The following ATP10B variants were observed in gnomAD, a reference collection of about 807,000 sequenced individuals.
ATP10B encodes phospholipid-transporting ATPase VB.
A neutral mutation model predicts 141.2 loss-of-function variants in ATP10B; 122 were observed. The observed-to-expected ratio is 0.86, with a 90% confidence interval of 0.75 to 1.00. The LOEUF (loss-of-function observed/expected upper bound fraction) is 1.00. Among genes scored for constraint, ATP10B ranks in the 50% least tolerant of loss-of-function variants. ATP10B has a pLI of 0.00. For missense variants in ATP10B, 1,876 were observed against 1,825.3 expected, an observed-to-expected ratio of 1.03 and a Z score of -0.51; for synonymous variants, 685 against 692.0, an observed-to-expected ratio of 0.99 and a Z score of 0.16.
chr5:160,732,659 G>A (rs1023061139), intron 2 of ATP10B, among the ~76,000 whole-genome samples: 1 of 152,048 alleles, frequency 6.6e-6, no homozygotes, highest in African/African-American at 2.4e-5. Context: ...TGGTCTATGT[G>A]GCTGTTTTTA....
At chr5:160,894,509 G>T in the ATP10B span, among the ~76,000 whole-genome samples, 1 of 151,970 alleles carries the variant, frequency 6.6e-6, no homozygotes, top group Admixed American at 6.6e-5. Context: ...AGAGAAAAAA[G>T]AATGAGAAGG....
chr5:160,586,722 T>A (rs1350015672), intron 24 of ATP10B, among the ~76,000 whole-genome samples: 1 of 152,228 alleles, frequency 6.6e-6, no homozygotes, highest in African/African-American at 2.4e-5. Flanking sequence ...TCTCTAATGA[T>A]CAGTGATGTT....
chr5:160,805,413 T>A (rs1772703553), intron 1 of ATP10B, among the ~76,000 whole-genome samples: 1 of 152,216 alleles, frequency 6.6e-6, no homozygotes, highest in African/African-American at 2.4e-5. Context: ...ATTAAGTGTG[T>A]CTTAAAGAAG....
intron 13 of ATP10B, among the ~76,000 whole-genome samples, chr5:160,627,116 C>T (rs770680591): frequency 1.6e-4 from 24 of 152,314 alleles, no homozygotes; most frequent in Non-Finnish European, 2.9e-4. Flanking sequence ...ACTCCTCATC[C>T]ACTCCTCACT....
chr5:160,828,510 C>T (rs1326939719), intron 1 of ATP10B, among the ~76,000 whole-genome samples: 1 of 151,960 alleles, frequency 6.6e-6, no homozygotes, highest in Non-Finnish European at 1.5e-5. Context: ...CAATGAGATA[C>T]CATCTCACAC....
intron 1 of ATP10B, among the ~76,000 whole-genome samples, chr5:160,823,519 G>A (rs1774336451): frequency 6.6e-6 from 1 of 152,160 alleles, no homozygotes; most frequent in Admixed American, 6.5e-5. Context: ...ACTTGCACGT[G>A]CTTAAATTTT....
At chr5:160,694,191 A>G (rs1389222951) in intron 3 of ATP10B, among the ~76,000 whole-genome samples, 1 of 152,194 alleles carries the variant, frequency 6.6e-6, no homozygotes, top group East Asian at 1.9e-4. Flanking sequence ...CCTCCAAATA[A>G]AATACTTCTT....
chr5:160,813,608 C>A lies in ATP10B; in HGVS notation c.-575-27805G>T, dbSNP rs182523478. ...CAGAATCCTCTGCAGACTTAAATGT[C>A]CCTGTCTGACAGCTTCGAAGAGAGT... On this transcript the variant is annotated intron_variant, in intron 1 of 25. Transcript: ENST00000327245. 1.5e-4 allele frequency among the ~76,000 whole-genome samples: 23 copies of A among 152,346 alleles called. No individual in the cohort carries two copies. The East Asian group carries it at 4.4e-3, about 29-fold the overall frequency.
chr5:160,632,143 A>G lies in ATP10B; in HGVS notation c.1606T>C (p.Phe536Leu). ...HRESSQPPVA[F>L]SSSIEKDVTP... ...TCAGGACTTACTATGGAGCTGCTGA[A>G]GGCCACAGGAGGCTGTGAGCTTTCA... The change falls in exon 13 of 26, where the codon TTC becomes CTC. Residue 536 changes from phenylalanine (F) to leucine (L), a missense_variant. Transcript: ENST00000327245. 1.2e-6 allele frequency: 2 copies of G among 1,612,654 alleles called. No homozygotes were observed. The highest frequency in any genetic ancestry group is 1.7e-6 in the Non-Finnish European group (2 of 1,178,778).
At chr5:160,804,092 G>T (rs1242270984) in intron 1 of ATP10B, among the ~76,000 whole-genome samples, 1 of 152,086 alleles carries the variant, frequency 6.6e-6, no homozygotes, top group African/African-American at 2.4e-5. Flanking sequence ...TAAGTCAAAT[G>T]TCCTACCCTT....
intron 1 of ATP10B, among the ~76,000 whole-genome samples, chr5:160,828,102 A>T (rs1406929546): frequency 6.6e-6 from 1 of 152,202 alleles, no homozygotes; most frequent in Non-Finnish European, 1.5e-5. Flanking sequence ...AAAACCATAA[A>T]AACCCTAGAA....
chr5:160,604,519 G>T (rs951638694), intron 19 of ATP10B, among the ~76,000 whole-genome samples: 25 of 152,172 alleles, frequency 1.6e-4, no homozygotes, highest in African/African-American at 6.0e-4. Context: ...ACCATATCAA[G>T]ACAACTGGAC....
intron 2 of ATP10B, 59 bp downstream of exon 2, chr5:160,785,500 G>A: frequency 2.2e-6 from 1 of 451,270 alleles, no homozygotes; most frequent in Non-Finnish European, 4.4e-6. Flanking sequence ...TGGGTATACT[G>A]AGTGATGCTG....
intron 2 of ATP10B, among the ~76,000 whole-genome samples, chr5:160,717,627 T>G (rs1193389771): frequency 6.6e-6 from 1 of 152,198 alleles, no homozygotes; most frequent in Non-Finnish European, 1.5e-5. Context: ...ATGAATTTAT[T>G]TAATCCTCAC....
intron 8 of ATP10B, 23 bp downstream of exon 8, chr5:160,649,148 A>T: frequency 6.5e-7 from 1 of 1,539,716 alleles, no homozygotes; most frequent in Non-Finnish European, 9.0e-7. Flanking sequence ...ATTTACTAGC[A>T]GCATGGGACA....
At chr5:160,863,643 G>A in the ATP10B span, among the ~76,000 whole-genome samples, 1 of 151,652 alleles carries the variant, frequency 6.6e-6, no homozygotes. Flanking sequence ...AAAAATACAA[G>A]GGATAAATGA....
intron 1 of ATP10B, among the ~76,000 whole-genome samples, chr5:160,843,532 G>C (rs775433846): frequency 5.3e-5 from 8 of 151,502 alleles, no homozygotes; most frequent in Non-Finnish European, 8.8e-5. Flanking sequence ...GTTAATGAGT[G>C]TTCCAATTCA....
chr5:160,715,573 T>C (rs1254131231), intron 3 of ATP10B, among the ~76,000 whole-genome samples: 2 of 151,472 alleles, frequency 1.3e-5, no homozygotes, highest in Non-Finnish European at 3.0e-5. Flanking sequence ...ATCACCCGTC[T>C]TCTGCGTCGC....
intron 1 of ATP10B, among the ~76,000 whole-genome samples, chr5:160,798,643 T>C (rs1438376091): frequency 3.3e-5 from 5 of 152,056 alleles, no homozygotes; most frequent in Admixed American, 6.6e-5. Flanking sequence ...GCCAGAACTG[T>C]GAACAAATAC....
Sources: allele counts gnomAD v4.1 joint callset (sites outside exome capture counted in the v4.1 genomes callset), GRCh38; gene constraint gnomAD v4.1.1; transcripts MANE v1.5; gene names NCBI Gene and HGNC (gene_info 2026-07-23, HGNC 2026-07-21).